Variants in GK5 observed in about 807,000 individuals in gnomAD.
GK5 encodes glycerol kinase 5.
A neutral mutation model predicts 77.3 loss-of-function variants in GK5; 39 were observed. That is an observed-to-expected ratio of 0.50 (90% CI 0.39 to 0.66). The LOEUF (loss-of-function observed/expected upper bound fraction) is 0.66, where lower values mean the gene tolerates loss of function less well. GK5 is among the 30% of genes least tolerant of loss of function. The probability of loss-of-function intolerance (pLI) is 0.00; values close to 1 mark genes in which losing one functional copy is unlikely to be tolerated. For synonymous variants in GK5, 211 were observed against 208.0 expected (o/e 1.01, Z -0.13); for missense variants, 487 against 633.8 (o/e 0.77, Z 2.49).
chr3:142,172,053 C>T (rs1471101589), intron 13 of GK5, among the ~76,000 whole-genome samples: 1 of 152,030 alleles, frequency 6.6e-6, no homozygotes, highest in Non-Finnish European at 1.5e-5. Flanking sequence ...AATAAGGATA[C>T]TAAACCTTTG....
intron 5 of GK5, among the ~76,000 whole-genome samples, chr3:142,196,037 C>G (rs1045600067): frequency 3.9e-5 from 6 of 152,102 alleles, no homozygotes; most frequent in Non-Finnish European, 8.8e-5. Flanking sequence ...TTATTTATTT[C>G]TCCTCGAGTT....
chr3:142,174,689 C>T (rs1029848430), intron 12 of GK5, among the ~76,000 whole-genome samples: 1 of 152,166 alleles, frequency 6.6e-6, no homozygotes, highest in Non-Finnish European at 1.5e-5. Context: ...AATCCACAGG[C>T]CCTGTTAACT....
At chr3:142,167,361 G>C (rs1023033757) in intron 15 of GK5, among the ~76,000 whole-genome samples, 2 of 151,328 alleles carry the variant, frequency 1.3e-5, no homozygotes, top group Non-Finnish European at 2.9e-5. Context: ...GCTACAGAGT[G>C]AGACTCCATC....
At chr3:142,166,374 G>A (rs1169403765) in intron 15 of GK5, among the ~76,000 whole-genome samples, 1 of 152,084 alleles carries the variant, frequency 6.6e-6, no homozygotes. Flanking sequence ...CAACTTTCTG[G>A]AATATGCATA....
chr3:142,170,871 T>TTG (rs1280407246), intron 14 of GK5, among the ~76,000 whole-genome samples: 3 of 152,172 alleles, frequency 2.0e-5, no homozygotes, highest in Non-Finnish European at 4.4e-5. Context: ...AAATTTGATA[T>TTG]TGTATTATAT....
chr3:142,185,204 GAGTTCGAGATCA>G (rs762373818), intron 9 of GK5: 31 of 697,790 alleles, frequency 4.4e-5, no homozygotes, highest in Admixed American at 6.3e-5. Context: ...CCCAGTCTAG[GAGTTCGAGATCA>G]GCCAGGGGAA....
At position 142,158,301 on chromosome 3, in the gene GK5, C is replaced by G. The variant is rs1381675567; in HGVS notation, c.*7321G>C. ...CCATGTTGCCCAGGATATCCTCAAA[C>G]TCCTGGGCTCAAGTGATTCTCCAGC... On this transcript the variant is annotated 3_prime_UTR_variant, in exon 16 of 16. Transcript: ENST00000392993. 1 of 152,192 alleles carries G rather than the reference C, an allele frequency of 6.6e-6. No homozygotes were observed. The highest frequency in any genetic ancestry group is 1.5e-5 in the Non-Finnish European group (1 of 68,098). 9.4% of individuals were successfully genotyped at this position (152,192 alleles called of 1,614,324 possible).
chr3:142,165,529 C>G lies in GK5; in HGVS notation c.*93G>C, dbSNP rs1049101866. 1.3e-5 allele frequency: 11 copies of G among 877,268 alleles called. No homozygotes were observed. The highest frequency in any genetic ancestry group is 1.6e-5 in the Non-Finnish European group (10 of 611,156). 54.3% of individuals were successfully genotyped at this position (877,268 alleles called of 1,614,324 possible). A position where few individuals can be genotyped will look rare whatever the true frequency, so the allele number is the denominator to read the frequency against. ...TGAAGCTTATTTAAAATTTTCTCCT[C>G]TTAGTCATTGTCATATGGGTTATCC... On this transcript the variant is annotated 3_prime_UTR_variant, in exon 16 of 16. Transcript: ENST00000392993.
intron 9 of GK5, among the ~76,000 whole-genome samples, chr3:142,184,133 T>C (rs1577118471): frequency 6.6e-6 from 1 of 150,682 alleles, no homozygotes; most frequent in Non-Finnish European, 1.5e-5. Flanking sequence ...TGGTGGCAGG[T>C]GCCTGTAGTC....
chr3:142,218,883 T>A (rs573092990), intron 1 of GK5, among the ~76,000 whole-genome samples: 1 of 152,196 alleles, frequency 6.6e-6, no homozygotes, highest in African/African-American at 2.4e-5. Context: ...ATATAAAAAA[T>A]TTCAAAACTC....
rs1377095990 is a variant in GK5 at position 142,214,547 on chromosome 3, A to G, written c.242-946T>C. Among the ~76,000 whole-genome samples, 4 of 152,216 alleles carry G rather than the reference A, an allele frequency of 2.6e-5. No homozygotes were observed. The East Asian group carries it at 7.7e-4, about 29-fold the overall frequency. ...TCCAAAGTTATTCAACCTGAATCTA[A>G]CTGGGAGGAAACAATCAGAAAACCT... On this transcript the variant is annotated intron_variant, in intron 2 of 15. Coordinates refer to ENST00000392993, the MANE Select transcript of GK5 (RefSeq NM_001039547.3).
chr3:142,191,989 A>T (rs747431061), intron 5 of GK5, among the ~76,000 whole-genome samples: 1 of 152,052 alleles, frequency 6.6e-6, no homozygotes, highest in African/African-American at 2.4e-5. Context: ...CAGAGCAAGA[A>T]TCTGTCTCAA....
intron 5 of GK5, among the ~76,000 whole-genome samples, chr3:142,193,225 T>C (rs1294416389): frequency 6.6e-6 from 1 of 152,238 alleles, no homozygotes; most frequent in African/African-American, 2.4e-5. Context: ...TGAATGTTTC[T>C]GTAAACCTAA....
In GK5 at chr3:142,184,260, C is replaced by CAAAAAAA. The variant is rs1161704184; in HGVS notation, c.817-1218_817-1212dup. The stretch of plus-strand genomic sequence containing the variant: ...TGGGCGACAGAGTGAGACTCTGTCT[C>CAAAAAAA]AAAAAAAAAAAAAAAAAAAAAAAAA... On this transcript the variant is annotated intron_variant, in intron 9 of 15. Transcript: ENST00000392993. Among the ~76,000 whole-genome samples, 28 of 10,666 alleles carry CAAAAAAA rather than the reference C, an allele frequency of 2.6e-3. 1 individual carries two copies. The highest frequency in any genetic ancestry group is 5.1e-3 in the African/African-American group (13 of 2,570). The allele number at this position is 10,666 out of a possible 152,430, so 7.0% of individuals were successfully genotyped here.
chr3:142,172,157 C>T (rs2063547967), intron 13 of GK5, among the ~76,000 whole-genome samples, 196 bp downstream of exon 13: 1 of 151,722 alleles, frequency 6.6e-6, no homozygotes, highest in African/African-American at 2.4e-5. Flanking sequence ...GGTGTTGGTA[C>T]ATTAAATATA....
chr3:142,224,625 T>C (rs1013098616), intron 1 of GK5, among the ~76,000 whole-genome samples: 18 of 152,160 alleles, frequency 1.2e-4, no homozygotes, highest in Non-Finnish European at 2.5e-4. Context: ...TAAAGAATTT[T>C]ATGAATTCTC....
chr3:142,182,471 A>G (rs1414904928), intron 10 of GK5, among the ~76,000 whole-genome samples: 7 of 152,150 alleles, frequency 4.6e-5, no homozygotes, highest in South Asian at 2.1e-4. Context: ...CAGCCTCCCA[A>G]GTAGCTGGGA....
intron 4 of GK5, among the ~76,000 whole-genome samples, chr3:142,203,257 A>G (rs2064054715): frequency 6.6e-6 from 1 of 152,198 alleles, no homozygotes; most frequent in South Asian, 2.1e-4. Flanking sequence ...TCTATATTAA[A>G]CTATCAAAAA....
At position 142,225,575 on chromosome 3, in the gene GK5, T is replaced by A; in HGVS notation, c.-120A>T. On this transcript the variant is annotated 5_prime_UTR_variant, in exon 1 of 16. Coordinates refer to ENST00000392993, the MANE Select transcript of GK5 (RefSeq NM_001039547.3). ...CCCAACCCGGCTCAGCCGGAGAGCCTAGAGAGGCCTGGCCCCTGCCGCCGG... is the reference window on the plus strand; with the variant it reads ...CCCAACCCGGCTCAGCCGGAGAGCCAAGAGAGGCCTGGCCCCTGCCGCCGG... The A allele has an allele frequency of 7.8e-7, 1 of 1,278,430 alleles. No individual in the cohort carries two copies. Among genetic ancestry groups the A allele is most frequent in the African/African-American group, 1.6e-5 (1 of 63,342 alleles). The allele number at this position is 1,278,430 out of a possible 1,614,324, so 79.2% of individuals were successfully genotyped here.
Sources: gnomAD v4.1 joint callset for allele counts (sites outside exome capture counted in the v4.1 genomes callset) on GRCh38, gnomAD v4.1.1 for gene constraint, MANE v1.5 for transcripts, NCBI Gene and HGNC (gene_info 2026-07-23, HGNC 2026-07-21) for gene names.